The following NKD1 variants were observed in gnomAD, a reference collection of about 807,000 sequenced individuals.
NKD1 encodes protein naked cuticle homolog 1.
In NKD1, 21 loss-of-function variants were observed where a neutral mutation model predicts 56.0. The observed-to-expected ratio is 0.38, with a 90% CI of 0.27 to 0.54. The LOEUF is 0.54. Ranked by LOEUF, NKD1 falls within the 20% of genes least tolerant of loss-of-function variation. The probability of loss-of-function intolerance (pLI) is 0.82; values close to 1 mark genes in which losing one functional copy is unlikely to be tolerated. For missense variants in NKD1, 578 were observed against 642.7 expected, an observed-to-expected ratio of 0.90 and a Z score of 1.09; for synonymous variants, 263 against 265.7, an observed-to-expected ratio of 0.99 and a Z score of 0.10.
chr16:50,583,773 T>C (rs11641526), intron 3 of NKD1, among the ~76,000 whole-genome samples: 4,872 of 152,214 alleles, frequency 0.032, 112 homozygotes, highest in Admixed American at 0.057. Flanking sequence ...AGGGTTCCAT[T>C]TAAAGGACAT....
At chr16:50,569,738 A>T (rs1181616763) in intron 3 of NKD1, among the ~76,000 whole-genome samples, 1 of 152,126 alleles carries the variant, frequency 6.6e-6, no homozygotes, top group Non-Finnish European at 1.5e-5. Flanking sequence ...AGGCTGCTTG[A>T]GGGTAGAGGC....
rs1350863179 is a variant in NKD1 at position 50,633,406 on chromosome 16, G to A, written c.1038G>A (p.Val346=). The change falls in exon 10 of 10, where the codon GTG becomes GTA. Residue 346 remains valine (V), a synonymous_variant. Coordinates refer to ENST00000268459, the MANE Select transcript of NKD1 (RefSeq NM_033119.5). The surrounding 1 kb of genome is among the most constrained non-coding windows in gnomAD (Gnocchi z 4.9). ...RGTQDGSKHF[V]RSPKAQGKSV... Reference sequence around the variant, plus strand: ...CCCAGGACGGGAGCAAGCACTTTGTGAGGTCCCCCAAGGCCCAGGGCAAGA... The same window carrying A: ...CCCAGGACGGGAGCAAGCACTTTGTAAGGTCCCCCAAGGCCCAGGGCAAGA... 8 of 1,613,572 alleles carry A rather than the reference G, an allele frequency of 5.0e-6. No individual in the cohort carries two copies. Among genetic ancestry groups the A allele is most frequent in the East Asian group, 2.2e-5 (1 of 44,890 alleles).
chr16:50,630,129 A>G, intron 6 of NKD1, 57 bp from the exon 7 acceptor site: 1 of 1,567,058 alleles, frequency 6.4e-7, no homozygotes. Flanking sequence ...TCTGGTTTGT[A>G]TTTTCAAGGC....
At position 50,632,936 on chromosome 16, in the gene NKD1, C is replaced by T. The variant is rs191973200; in HGVS notation, c.824-256C>T. Among the ~76,000 whole-genome samples, 126 of 152,278 alleles carry T rather than the reference C, an allele frequency of 8.3e-4. 1 individual carries two copies. The highest frequency in any genetic ancestry group is 4.3e-4 in the Non-Finnish European group (29 of 68,034). On this transcript the variant is annotated intron_variant, in intron 9 of 9. Transcript: ENST00000268459. The surrounding 1 kb of genome is among the most constrained non-coding windows in gnomAD (Gnocchi z 4.1). The stretch of plus-strand genomic sequence containing the variant: ...AGTGACCTTAGATAGTTTTCGGGGT[C>T]TCTGCTGCCATCTGTCTTTCTCGGC...
At chr16:50,604,935 C>T (rs1023143069) in intron 3 of NKD1, among the ~76,000 whole-genome samples, 2 of 152,218 alleles carry the variant, frequency 1.3e-5, no homozygotes, top group African/African-American at 4.8e-5. Context: ...GACCACTTAC[C>T]CACTAGAGCT....
At position 50,633,553 on chromosome 16, in the gene NKD1, C is replaced by T. The variant is rs1249883503; in HGVS notation, c.1185C>T (p.Ala395=). 2 of 1,611,392 alleles carry T rather than the reference C, an allele frequency of 1.2e-6. No individual in the cohort carries two copies. The highest frequency in any genetic ancestry group is 2.2e-5 in the East Asian group (1 of 44,820). ...AASPALLPSL[A]PLGHKKHKHR... Reference sequence around the variant, plus strand: ...GCCCGGCCCTCCTCCCCTCCCTAGCCCCCCTCGGGCACAAGAAGCACAAGC... The same window carrying T: ...GCCCGGCCCTCCTCCCCTCCCTAGCTCCCCTCGGGCACAAGAAGCACAAGC... The change falls in exon 10 of 10, where the codon GCC becomes GCT. Residue 395 remains alanine, a synonymous_variant. Transcript: ENST00000268459. This position sits in a 1 kb window ranked among gnomAD's most constrained non-coding sequence, Gnocchi z 4.9.
At chr16:50,568,754 T>C (rs1283346009) in intron 3 of NKD1, among the ~76,000 whole-genome samples, 1 of 152,084 alleles carries the variant, frequency 6.6e-6, no homozygotes, top group Non-Finnish European at 1.5e-5. Flanking sequence ...GACTGTTCTT[T>C]CTTGGAAATT....
intron 4 of NKD1, among the ~76,000 whole-genome samples, chr16:50,615,671 A>G (rs533357886): frequency 6.6e-6 from 1 of 152,178 alleles, no homozygotes; most frequent in Non-Finnish European, 1.5e-5. Flanking sequence ...CTTAGGGGAA[A>G]GGGGGCCACT....
At position 50,635,742 on chromosome 16, in the gene NKD1, A is replaced by C. The variant is rs1374450636; in HGVS notation, c.*1961A>C. On this transcript the variant is annotated 3_prime_UTR_variant, in exon 10 of 10. Transcript: ENST00000268459. The surrounding 1 kb of genome is among the most constrained non-coding windows in gnomAD (Gnocchi z 4.1). ...GAGGCCGCACAGAGGGCGGAGCTGG[A>C]ATTCTGGTCTCCCACTCGATCCCTT... 1 of 152,250 alleles carries C rather than the reference A, an allele frequency of 6.6e-6. No individual in the cohort carries two copies. The highest frequency in any genetic ancestry group is 1.5e-5 in the Non-Finnish European group (1 of 68,066). The allele number at this position is 152,250 out of a possible 1,614,324, so 9.4% of individuals were successfully genotyped here.
At chr16:50,621,747 A>G in intron 5 of NKD1, 39 bp downstream of exon 5, 1 of 1,496,750 alleles carries the variant, frequency 6.7e-7, no homozygotes, top group Non-Finnish European at 9.3e-7. Context: ...AGGAGATGAG[A>G]TGGGTTTTCT....
Position 50,633,927 on chromosome 16 carries a change from T to A in NKD1, c.*146T>A, listed in dbSNP as rs1006224772. 5.7e-6 allele frequency: 3 copies of A among 526,770 alleles called. No homozygotes were observed. In the South Asian group the frequency reaches 1.1e-4, roughly 19 times the overall value. The allele number at this position is 526,770 out of a possible 1,614,324, so 32.6% of individuals were successfully genotyped here. ...TCCACTAATATTTAGCTAGCCTACA[T>A]GTAGAAGATCTATGGAAACACAGAA... On this transcript the variant is annotated 3_prime_UTR_variant, in exon 10 of 10. Transcript: ENST00000268459. The surrounding 1 kb of genome is among the most constrained non-coding windows in gnomAD (Gnocchi z 4.9).
At chr16:50,597,949 A>G (rs1277870905) in intron 3 of NKD1, among the ~76,000 whole-genome samples, 1 of 152,168 alleles carries the variant, frequency 6.6e-6, no homozygotes, top group East Asian at 1.9e-4. Context: ...CGAAATCCAC[A>G]GTGGCTCCGG....
chr16:50,559,297 G>A (rs1960571658), intron 3 of NKD1, among the ~76,000 whole-genome samples: 1 of 152,222 alleles, frequency 6.6e-6, no homozygotes, highest in Non-Finnish European at 1.5e-5. Context: ...TGTGCTAAGT[G>A]CAGTGAAGGA....
chr16:50,549,658 T>C, intron 3 of NKD1, 103 bp downstream of exon 3: 2 of 1,160,828 alleles, frequency 1.7e-6, no homozygotes, highest in Non-Finnish European at 2.3e-6. Flanking sequence ...CTGCACAGCT[T>C]CTGGGTCTGA....
chr16:50,555,770 G>C (rs555859778), intron 3 of NKD1: 29 of 152,284 alleles, frequency 1.9e-4, no homozygotes, highest in Admixed American at 1.9e-3. Context: ...CCCCATGGCT[G>C]CGAATCACAA....
chr16:50,549,659 C>T, intron 3 of NKD1, 104 bp downstream of exon 3: 1 of 1,162,958 alleles, frequency 8.6e-7, no homozygotes, highest in Non-Finnish European at 1.2e-6. Flanking sequence ...TGCACAGCTT[C>T]TGGGTCTGAA....
intron 3 of NKD1, chr16:50,607,220 C>CA (rs528130248): frequency 1.9e-4 from 64 of 345,068 alleles, no homozygotes; most frequent in East Asian, 8.2e-4. Context: ...AAACAAAAAA[C>CA]AAAAAAAAGC....
In NKD1 at chr16:50,632,379, T is replaced by G. The variant is rs1410901979; in HGVS notation, c.794T>G (p.Ile265Arg). The G allele has an allele frequency of 1.2e-6, 2 of 1,613,920 alleles. No homozygotes were observed. The highest frequency in any genetic ancestry group is 2.7e-5 in the African/African-American group (2 of 74,868). Residue 265 changes from isoleucine (I) to arginine (R), a missense_variant, in exon 9 of 10, where the codon ATA becomes AGA. Ile to Arg is a moderately conservative substitution (Grantham distance 97). Coordinates refer to ENST00000268459, the MANE Select transcript of NKD1 (RefSeq NM_033119.5). The surrounding 1 kb of genome is among the most constrained non-coding windows in gnomAD (Gnocchi z 4.1). ...AACCACTACTTAGATCTCGCCGGGATAGAAAACTACACGTCCCAATTTGGG... is the reference window on the plus strand; with the variant it reads ...AACCACTACTTAGATCTCGCCGGGAGAGAAAACTACACGTCCCAATTTGGG... Reference protein sequence around the residue: ...RRNHYLDLAGIENYTSQFGPG... With the variant: ...RRNHYLDLAGRENYTSQFGPG...
At position 50,633,707 on chromosome 16, in the gene NKD1, C is replaced by A; in HGVS notation, c.1339C>A (p.Gln447Lys). The A allele has an allele frequency of 1.3e-6, 2 of 1,586,824 alleles. No homozygotes were observed. Among genetic ancestry groups the A allele is most frequent in the East Asian group, 2.3e-5 (1 of 43,482 alleles). The change falls in exon 10 of 10, where the codon CAG (glutamine) becomes AAG (lysine). Residue 447 changes from glutamine to lysine, a missense_variant. Transcript: ENST00000268459. The surrounding 1 kb of genome is among the most constrained non-coding windows in gnomAD (Gnocchi z 4.9). ...GGTGGTGTATGAGAGCCAGGCCGGG[C>A]AGCCGGTCCAGAGACATGAGCACCA... ...ALVVYESQAG[Q>K]PVQRHEHHHH...
Sources: allele counts gnomAD v4.1 joint callset (sites outside exome capture counted in the v4.1 genomes callset), GRCh38; gene constraint gnomAD v4.1.1; non-coding constraint Gnocchi (gnomAD v3.1); transcripts MANE v1.5; gene names NCBI Gene and HGNC (gene_info 2026-07-23, HGNC 2026-07-21).